Variants in TENM2 observed in about 807,000 individuals in gnomAD.
The protein encoded by TENM2 is teneurin-2.
In TENM2, 52 loss-of-function variants were observed where a neutral mutation model predicts 245.2. The ratio of observed to expected loss-of-function variants is 0.21; its 90% CI spans 0.17 to 0.27. The LOEUF (loss-of-function observed/expected upper bound fraction) is 0.27. Among genes scored for constraint, TENM2 ranks in the 10% least tolerant of loss-of-function variants. The probability of loss-of-function intolerance (pLI) is 1.00; values close to 1 mark genes in which losing one functional copy is unlikely to be tolerated. For synonymous variants in TENM2, 1,363 were observed against 1,438.9 expected, an observed-to-expected ratio of 0.95 and a Z score of 1.19; for missense variants, 3,046 against 3,666.8, an observed-to-expected ratio of 0.83 and a Z score of 4.37.
chr5:167,592,888 C>T (rs893124580), intron 2 of TENM2, among the ~76,000 whole-genome samples: 6 of 151,778 alleles, frequency 4.0e-5, no homozygotes, highest in African/African-American at 1.2e-4. Flanking sequence ...ATATAGATTC[C>T]AGTATTTTTC....
intron 13 of TENM2, among the ~76,000 whole-genome samples, chr5:168,189,501 C>T (rs1760758824): frequency 6.6e-6 from 1 of 152,156 alleles, no homozygotes. Flanking sequence ...AGGCACAGGA[C>T]TCTAGGCAAG....
intron 10 of TENM2, among the ~76,000 whole-genome samples, chr5:168,120,483 C>A (rs959474955): frequency 1.3e-5 from 2 of 152,232 alleles, no homozygotes; most frequent in East Asian, 1.9e-4. Flanking sequence ...GCTAGGGCAA[C>A]AACATTGCCA....
chr5:167,817,342 T>C (rs1284179921), intron 2 of TENM2, among the ~76,000 whole-genome samples: 1 of 152,210 alleles, frequency 6.6e-6, no homozygotes, highest in Non-Finnish European at 1.5e-5. Flanking sequence ...TCAAGATATC[T>C]TTTATTTGTT....
At chr5:168,152,441 C>G (rs1385519829) in intron 12 of TENM2, among the ~76,000 whole-genome samples, 1 of 152,162 alleles carries the variant, frequency 6.6e-6, no homozygotes. Flanking sequence ...GTCAACCCTG[C>G]AGAAGTAACA....
At chr5:167,663,184 G>GAGAGAGAA (rs1755351133) in intron 2 of TENM2, among the ~76,000 whole-genome samples, 2 of 130,008 alleles carry the variant, frequency 1.5e-5, no homozygotes, top group South Asian at 2.5e-4. Context: ...GAGAGAGAGA[G>GAGAGAGAA]AGAAAGAGAG....
intron 4 of TENM2, among the ~76,000 whole-genome samples, chr5:167,963,588 TGG>T (rs1781172270): frequency 6.6e-6 from 1 of 152,226 alleles, no homozygotes; most frequent in Non-Finnish European, 1.5e-5. Flanking sequence ...TACAGATTTC[TGG>T]GTTTGATGGA....
At chr5:167,460,007 A>G (rs1766198530) in intron 2 of TENM2, among the ~76,000 whole-genome samples, 1 of 152,106 alleles carries the variant, frequency 6.6e-6, no homozygotes, top group African/African-American at 2.4e-5. Flanking sequence ...TGTGTCTTTT[A>G]TGAAAAATAC....
intron 2 of TENM2, among the ~76,000 whole-genome samples, chr5:167,758,876 C>T (rs535503361): frequency 6.6e-6 from 1 of 152,100 alleles, no homozygotes; most frequent in South Asian, 2.1e-4. Flanking sequence ...TTGATTGATA[C>T]AGAAACAGCT....
At chr5:167,805,128 T>C (rs942087176) in intron 2 of TENM2, among the ~76,000 whole-genome samples, 43 of 152,098 alleles carry the variant, frequency 2.8e-4, no homozygotes, top group African/African-American at 1.0e-3. Context: ...TATGTAGCAA[T>C]TGGGAGGGCG....
At chr5:166,990,978 T>C in the TENM2 span, among the ~76,000 whole-genome samples, 13 of 151,888 alleles carry the variant, frequency 8.6e-5, no homozygotes, top group South Asian at 2.3e-3. Context: ...ATTGGGATTG[T>C]GCATGAAGTT....
intron 2 of TENM2, among the ~76,000 whole-genome samples, chr5:167,479,122 A>G (rs1472706578): frequency 6.6e-6 from 1 of 152,184 alleles, no homozygotes; most frequent in Admixed American, 6.6e-5. Flanking sequence ...AAGTTATATT[A>G]GTTGTCCAAG....
At chr5:167,605,287 C>G (rs1031500554) in intron 2 of TENM2, among the ~76,000 whole-genome samples, 3 of 152,036 alleles carry the variant, frequency 2.0e-5, no homozygotes, top group African/African-American at 7.2e-5. Context: ...TTAAAAAATT[C>G]TTTTTTATAT....
chr5:167,086,901 A>G, the TENM2 span, among the ~76,000 whole-genome samples: 2 of 149,404 alleles, frequency 1.3e-5, no homozygotes, highest in African/African-American at 5.0e-5. Context: ...GTGTTTTAAT[A>G]TCCTCTAGGA....
the TENM2 span, among the ~76,000 whole-genome samples, chr5:167,253,254 CT>C: frequency 0.031 from 4,196 of 137,214 alleles, 203 homozygotes; most frequent in African/African-American, 0.1. Context: ...ACAGGCCTGG[CT>C]TTTTTTTTTT....
At position 167,884,651 on chromosome 5, in the gene TENM2, C is replaced by T. The variant is rs530439650; in HGVS notation, c.712+8456C>T. Among the ~76,000 whole-genome samples, 31 of 152,292 alleles carry T rather than the reference C, an allele frequency of 2.0e-4. No individual in the cohort carries two copies. In the East Asian group the frequency reaches 5.8e-3, roughly 28 times the overall value. On this transcript the variant is annotated intron_variant, in intron 3 of 28. Transcript: ENST00000518659. ...TATACCACATTTTGTTTATTCACTC[C>T]TCCCTTACTAGACACTTCGGTGGTT...
chr5:168,090,884 A>G (rs1260535437), intron 8 of TENM2, 115 bp downstream of exon 10: 13 of 914,496 alleles, frequency 1.4e-5, no homozygotes, highest in South Asian at 3.2e-5. Flanking sequence ...ACAACCAACC[A>G]GGATCCTTTG....
At chr5:167,262,577 G>C in the TENM2 span, among the ~76,000 whole-genome samples, 17 of 152,168 alleles carry the variant, frequency 1.1e-4, no homozygotes, top group East Asian at 3.1e-3. Context: ...GGGGTTGTGG[G>C]AGAGATTAAA....
chr5:167,514,262 A>G (rs1221417614), intron 2 of TENM2, among the ~76,000 whole-genome samples: 6 of 152,200 alleles, frequency 3.9e-5, no homozygotes, highest in Admixed American at 2.0e-4. Flanking sequence ...TAAGGAGCCA[A>G]CCATACTACA....
intron 8 of TENM2, among the ~76,000 whole-genome samples, chr5:168,096,503 T>C (rs1177459172): frequency 2.6e-5 from 4 of 152,218 alleles, no homozygotes; most frequent in African/African-American, 9.6e-5. Flanking sequence ...GCAAATATAC[T>C]CATTGAGTTT....
Sources: gnomAD v4.1 joint callset for allele counts (sites outside exome capture counted in the v4.1 genomes callset) on GRCh38, gnomAD v4.1.1 for gene constraint, MANE v1.5 for transcripts, NCBI Gene and HGNC (gene_info 2026-07-23, HGNC 2026-07-21) for gene names.